DEUP1: variants seen among roughly 807,000 people sequenced by gnomAD.
The protein encoded by DEUP1 is deuterosome assembly protein 1.
DEUP1 carries 82 observed loss-of-function variants against 87.4 expected under a neutral mutation model. The observed-to-expected ratio is 0.94, with a 90% CI of 0.78 to 1.13. The LOEUF (loss-of-function observed/expected upper bound fraction) is 1.13, where lower values mean the gene tolerates loss of function less well. DEUP1 is among the 50% of genes most tolerant of loss of function. The pLI is 0.00. For missense variants in DEUP1, 663 were observed against 681.5 expected, an observed-to-expected ratio of 0.97 and a Z score of 0.30; for synonymous variants, 214 against 222.7, an observed-to-expected ratio of 0.96 and a Z score of 0.35.
intron 13 of DEUP1, among the ~76,000 whole-genome samples, chr11:93,416,987 T>A (rs1261824263): frequency 1.3e-5 from 2 of 152,166 alleles, no homozygotes; most frequent in Admixed American, 1.3e-4. Flanking sequence ...CAACACTTCA[T>A]GCTAAAAACT....
chr11:93,427,562 T>C (rs899021183), intron 13 of DEUP1, among the ~76,000 whole-genome samples: 59 of 151,474 alleles, frequency 3.9e-4, no homozygotes, highest in African/African-American at 1.2e-3. Flanking sequence ...GACATAGGCA[T>C]GGGCAAGGAC....
chr11:93,407,496 G>A (rs1947313604), intron 11 of DEUP1, among the ~76,000 whole-genome samples: 1 of 151,906 alleles, frequency 6.6e-6, no homozygotes, highest in African/African-American at 2.4e-5. Flanking sequence ...TTTCTAAGTA[G>A]GCATACATTA....
At chr11:93,344,390 A>C (rs1230048020) in intron 2 of DEUP1, among the ~76,000 whole-genome samples, 1 of 152,148 alleles carries the variant, frequency 6.6e-6, no homozygotes, top group Non-Finnish European at 1.5e-5. Context: ...GATTTTGAAA[A>C]AGTTAAGACC....
In DEUP1 at chr11:93,437,692, C is replaced by G; in HGVS notation, c.1788C>G (p.Ser596=). ...CAGAATTTACTCTTAATAAATACTC[C>G]AAGCTAAAACAAAATAGACACATAT... ...RHTEFTLNKY[S]KLKQNRHI is the part of the protein sequence containing the mutation. Residue 596 remains serine (S), a synonymous_variant, in exon 14 of 14, where the codon TCC becomes TCG. Coordinates refer to ENST00000298050, the MANE Select transcript of DEUP1 (RefSeq NM_181645.4). 2.5e-6 allele frequency: 4 copies of G among 1,602,520 alleles called. No homozygotes were observed. Among genetic ancestry groups the G allele is most frequent in the Non-Finnish European group, 3.4e-6 (4 of 1,171,014 alleles).
chr11:93,433,113 A>G (rs1423817731), intron 13 of DEUP1, among the ~76,000 whole-genome samples: 1 of 152,202 alleles, frequency 6.6e-6, no homozygotes, highest in African/African-American at 2.4e-5. Flanking sequence ...TTAAGTCTCA[A>G]GTCACCTCAA....
At chr11:93,416,414 AT>A (rs1200076562) in intron 13 of DEUP1, among the ~76,000 whole-genome samples, 1 of 152,244 alleles carries the variant, frequency 6.6e-6, no homozygotes, top group Non-Finnish European at 1.5e-5. Context: ...CTCTACGCAA[AT>A]AAACTAGAAA....
chr11:93,433,896 C>T (rs117648437), intron 13 of DEUP1, among the ~76,000 whole-genome samples: 1,661 of 152,272 alleles, frequency 0.011, 12 homozygotes, highest in Middle Eastern at 0.024. Flanking sequence ...TGGTATTTTA[C>T]GCCCCTGTGT....
At chr11:93,364,357 A>G (rs1945312677) in intron 5 of DEUP1, 63 bp downstream of exon 5, 5 of 1,439,672 alleles carry the variant, frequency 3.5e-6, no homozygotes, top group Admixed American at 1.8e-5. Context: ...GTTGTGGGCT[A>G]TTTGTCTCTA....
At chr11:93,391,051 C>T (rs1315802155) in intron 9 of DEUP1, among the ~76,000 whole-genome samples, 1 of 147,072 alleles carries the variant, frequency 6.8e-6, no homozygotes, top group Non-Finnish European at 1.5e-5. Flanking sequence ...CATGGCACTC[C>T]AGCCTGGGCG....
rs560947558 is a variant in DEUP1, at chr11:93,406,878, A to G, written c.1327-1353A>G. Among the ~76,000 whole-genome samples, 26 of 152,172 alleles carry G rather than the reference A, an allele frequency of 1.7e-4. No homozygotes were observed. In the South Asian group the frequency reaches 3.7e-3, roughly 22 times the overall value. On this transcript the variant is annotated intron_variant, in intron 11 of 13. Transcript: ENST00000298050. The stretch of plus-strand genomic sequence containing the variant: ...CAAATAGACAATTGACAAAAGATAG[A>G]GTAAAATTTGCCAGGAAACATATAT...
At position 93,369,815 on chromosome 11, in the gene DEUP1, C is replaced by T. The variant is rs1169852699; in HGVS notation, c.433-258C>T. Among the ~76,000 whole-genome samples, 13 of 42,900 alleles carry T rather than the reference C, an allele frequency of 3.0e-4. 6 individuals carry two copies. The highest frequency in any genetic ancestry group is 5.6e-4 in the Non-Finnish European group (13 of 23,266). The allele number at this position is 42,900 out of a possible 152,430, so 28.1% of individuals were successfully genotyped here. On this transcript the variant is annotated intron_variant, in intron 5 of 13. Transcript: ENST00000298050. ...GCGAGGTGGCGGGCGCCTGTAGTCC[C>T]AGCTTCTCGGGAGGCTGAGGCAGGA... is the stretch of plus-strand genomic sequence containing the variant.
intron 1 of DEUP1, among the ~76,000 whole-genome samples, chr11:93,331,176 C>A (rs1273006317): frequency 8.2e-6 from 1 of 122,592 alleles, no homozygotes. Context: ...TCTCTTAATT[C>A]CAGGGTCTCT....
At chr11:93,373,294 AC>A (rs1945828702) in intron 7 of DEUP1, among the ~76,000 whole-genome samples, 1 of 151,864 alleles carries the variant, frequency 6.6e-6, no homozygotes, top group Non-Finnish European at 1.5e-5. Flanking sequence ...ATTTTGATGC[AC>A]CCATCACCTG....
chr11:93,389,675 C>T (rs1331646567), intron 9 of DEUP1, among the ~76,000 whole-genome samples: 1 of 152,174 alleles, frequency 6.6e-6, no homozygotes, highest in East Asian at 1.9e-4. Context: ...GAAACTAAGG[C>T]ACCAAGAAAA....
At chr11:93,427,329 C>T (rs1363266234) in intron 13 of DEUP1, among the ~76,000 whole-genome samples, 1 of 151,868 alleles carries the variant, frequency 6.6e-6, no homozygotes, top group Non-Finnish European at 1.5e-5. Context: ...CGCATATCTA[C>T]AACCATCTGA....
chr11:93,392,745 C>A (rs1946803563), intron 9 of DEUP1, among the ~76,000 whole-genome samples: 1 of 151,982 alleles, frequency 6.6e-6, no homozygotes, highest in South Asian at 2.1e-4. Flanking sequence ...AAAAAAAATC[C>A]ATTTTAAAAA....
intron 7 of DEUP1, among the ~76,000 whole-genome samples, chr11:93,381,486 C>T (rs1490099002): frequency 1.3e-5 from 2 of 152,128 alleles, no homozygotes; most frequent in African/African-American, 4.8e-5. Context: ...TCAATTTTCA[C>T]ATGAATCACA....
intron 13 of DEUP1, among the ~76,000 whole-genome samples, chr11:93,431,002 A>G (rs1948085345): frequency 6.6e-6 from 1 of 151,788 alleles, no homozygotes; most frequent in South Asian, 2.1e-4. Context: ...AAGCTGAGGC[A>G]AGAGAATCGC....
chr11:93,393,197 C>T (rs1386651045), intron 9 of DEUP1, among the ~76,000 whole-genome samples: 3 of 151,280 alleles, frequency 2.0e-5, no homozygotes, highest in African/African-American at 7.3e-5. Flanking sequence ...AAGGGATCCT[C>T]CCACCCCAGT....
Sources: allele counts gnomAD v4.1 joint callset (sites outside exome capture counted in the v4.1 genomes callset), GRCh38; gene constraint gnomAD v4.1.1; transcripts MANE v1.5; gene names NCBI Gene and HGNC (gene_info 2026-07-23, HGNC 2026-07-21).